Variants in SCEL observed in about 807,000 individuals in gnomAD.
SCEL encodes the protein sciellin.
Under a neutral mutation model 117.6 loss-of-function variants are expected in SCEL, and 113 were observed. That is an observed-to-expected ratio of 0.96 (90% confidence interval 0.83 to 1.12). The LOEUF (loss-of-function observed/expected upper bound fraction) is 1.12. SCEL is among the 50% of genes most tolerant of loss of function. The pLI, the probability that SCEL is intolerant of heterozygous loss-of-function variation, is 0.00. For synonymous variants in SCEL, 270 were observed against 256.2 expected (o/e 1.05, Z -0.51); for missense variants, 785 against 810.8 (o/e 0.97, Z 0.39).
chr13:77,579,517 G>T (rs904435837), intron 9 of SCEL, among the ~76,000 whole-genome samples: 4 of 152,114 alleles, frequency 2.6e-5, no homozygotes, highest in African/African-American at 9.7e-5. Context: ...CCCTGTCTCT[G>T]TCTCTTTCTT....
chr13:77,627,192 G>A (rs1217350026), intron 27 of SCEL, among the ~76,000 whole-genome samples: 2 of 152,088 alleles, frequency 1.3e-5, no homozygotes, highest in Non-Finnish European at 2.9e-5. Context: ...GATTTCAGGT[G>A]GGCAGATGGC....
chr13:77,589,200 C>G lies in SCEL; in HGVS notation c.602C>G (p.Pro201Arg), dbSNP rs1277735730. ...PPKPSSPVSS[P>R]NQLRQDNRQI... ...AAGCCCAGTTCTCCTGTTTCTTCTC[C>G]TAACCAGCTGAGACAGGATAATAGG... Residue 201 changes from proline to arginine, a missense_variant, in exon 10 of 33, where the codon CCT (proline) becomes CGT (arginine). Coordinates refer to ENST00000349847, the MANE Select transcript of SCEL (RefSeq NM_144777.3). 6.2e-7 allele frequency: 1 copy of G among 1,612,578 alleles called. No homozygotes were observed. Among genetic ancestry groups the G allele is most frequent in the African/African-American group, 1.3e-5 (1 of 74,976 alleles).
chr13:77,642,726 T>C lies in SCEL; in HGVS notation c.1968T>C (p.Pro656=). The change falls in exon 32 of 33, where the codon CCT becomes CCC. Residue 656 remains proline (P), a synonymous_variant. Transcript: ENST00000349847. ...TTTAGTGTGAAATATGCAAGCAGCCTTTGGAAAATCTACAAGCGGGTGATA... is the reference window on the plus strand; with the variant it reads ...TTTAGTGTGAAATATGCAAGCAGCCCTTGGAAAATCTACAAGCGGGTGATA... ...TCFKCEICKQ[P]LENLQAGDSI... The C allele has an allele frequency of 6.3e-7, 1 of 1,598,002 alleles. No individual in the cohort carries two copies. Among genetic ancestry groups the C allele is most frequent in the Admixed American group, 1.7e-5 (1 of 57,222 alleles).
Position 77,612,859 on chromosome 13 carries a change from G to A in SCEL, c.1338-32G>A, listed in dbSNP as rs576496967. 26 of 1,277,322 alleles carry A rather than the reference G, an allele frequency of 2.0e-5. No individual in the cohort carries two copies. The South Asian group carries it at 2.2e-4, about 11-fold the overall frequency. The allele number at this position is 1,277,322 out of a possible 1,614,324, so 79.1% of individuals were successfully genotyped here. Reference sequence around the variant, plus strand: ...ATATACAAATTATTGGATTTTAGTTGACTTAGCTATTGAAACTTAACATTT... The same window carrying A: ...ATATACAAATTATTGGATTTTAGTTAACTTAGCTATTGAAACTTAACATTT... On this transcript the variant is annotated intron_variant, in intron 22 of 32. Transcript: ENST00000349847.
rs954704105 is a variant in SCEL at position 77,551,458 on chromosome 13, C to T, written c.-19-4399C>T. ...GGCTGTTATAACAAAATACCACAGA[C>T]GGGTGACTTAAATAACAGAAAATCA... On this transcript the variant is annotated intron_variant, in intron 1 of 32. Coordinates refer to ENST00000349847, the MANE Select transcript of SCEL (RefSeq NM_144777.3). Among the ~76,000 whole-genome samples the T allele has an allele frequency of 2.2e-4, 33 of 152,250 alleles. No individual in the cohort carries two copies. In the East Asian group the frequency reaches 3.7e-3, roughly 17 times the overall value.
chr13:77,619,199 G>T (rs1408305921), intron 27 of SCEL, among the ~76,000 whole-genome samples: 1 of 152,086 alleles, frequency 6.6e-6, no homozygotes, highest in Non-Finnish European at 1.5e-5. Flanking sequence ...TCCATGATTG[G>T]CCTAACTCTT....
rs997924892 is a variant in SCEL at position 77,604,870 on chromosome 13, C to T, written c.1157+455C>T. Among the ~76,000 whole-genome samples, 17 of 151,754 alleles carry T rather than the reference C, an allele frequency of 1.1e-4. No individual in the cohort carries two copies. The East Asian group carries it at 1.2e-3, about 10-fold the overall frequency. Reference sequence around the variant, plus strand: ...ATTTAAGTGCATGTGTGTATAAATGCGTGTGTGTATAAGTGTGTGTGCGTA... The same window carrying T: ...ATTTAAGTGCATGTGTGTATAAATGTGTGTGTGTATAAGTGTGTGTGCGTA... On this transcript the variant is annotated intron_variant, in intron 19 of 32. Transcript: ENST00000349847.
At chr13:77,619,571 GTATT>G (rs2089295495) in intron 27 of SCEL, among the ~76,000 whole-genome samples, 1 of 152,128 alleles carries the variant, frequency 6.6e-6, no homozygotes, top group African/African-American at 2.4e-5. Context: ...ATGATCAGAT[GTATT>G]TATTCTGGAG....
intron 9 of SCEL, among the ~76,000 whole-genome samples, chr13:77,581,565 A>G (rs2086266051): frequency 6.6e-6 from 1 of 152,178 alleles, no homozygotes; most frequent in Admixed American, 6.5e-5. Context: ...TCCTGGAAAT[A>G]TGAGGAAGCA....
Position 77,638,675 on chromosome 13 carries a change from C to G in SCEL, c.1838+1481C>G, listed in dbSNP as rs2154407094. Among the ~76,000 whole-genome samples, 3 of 152,246 alleles carry G rather than the reference C, an allele frequency of 2.0e-5. 1 individual carries two copies. In the South Asian group the frequency reaches 6.2e-4, roughly 32 times the overall value. On this transcript the variant is annotated intron_variant, in intron 30 of 32. Transcript: ENST00000349847. ...TGAAATTGGCGATGTTCTTACAGTTCTTATTTAAGCACGTCAATCCTGTTT... is the reference window on the plus strand; with the variant it reads ...TGAAATTGGCGATGTTCTTACAGTTGTTATTTAAGCACGTCAATCCTGTTT...
At chr13:77,604,892 C>T (rs993257616) in intron 19 of SCEL, among the ~76,000 whole-genome samples, 2 of 151,444 alleles carry the variant, frequency 1.3e-5, no homozygotes, top group East Asian at 1.9e-4. Context: ...AGTGTGTGTG[C>T]GTATGTATAA....
At chr13:77,643,128 G>A (rs1306221221) in intron 32 of SCEL, among the ~76,000 whole-genome samples, 1 of 151,966 alleles carries the variant, frequency 6.6e-6, no homozygotes, top group African/African-American at 2.4e-5. Flanking sequence ...GTCCATATTC[G>A]TAAATGACAT....
chr13:77,593,690 T>C (rs1417264168), intron 12 of SCEL, 117 bp downstream of exon 12: 3 of 642,012 alleles, frequency 4.7e-6, no homozygotes, highest in Non-Finnish European at 8.0e-6. Context: ...ATATCGTATA[T>C]AATTTAAAAT....
At chr13:77,618,132 C>CCCTG in intron 27 of SCEL, 72 bp downstream of exon 27, 1 of 1,116,312 alleles carries the variant, frequency 9.0e-7, no homozygotes. Flanking sequence ...CTCCTTGCCT[C>CCCTG]CCTGCCTCCC....
chr13:77,599,259 C>A, intron 13 of SCEL, 70 bp from the exon 14 acceptor site: 2 of 1,098,036 alleles, frequency 1.8e-6, no homozygotes, highest in South Asian at 1.4e-5. Flanking sequence ...GTAAACTGGT[C>A]TATGTTCTTA....
At chr13:77,561,712 ATAG>A (rs1201609759) in intron 4 of SCEL, among the ~76,000 whole-genome samples, 1 of 152,216 alleles carries the variant, frequency 6.6e-6, no homozygotes, top group Admixed American at 6.5e-5. Flanking sequence ...GGAAAGTGCT[ATAG>A]TAGAGGTGTG....
intron 9 of SCEL, among the ~76,000 whole-genome samples, chr13:77,572,670 T>G (rs2085708545): frequency 6.6e-6 from 1 of 152,228 alleles, no homozygotes; most frequent in Non-Finnish European, 1.5e-5. Flanking sequence ...TGCCTTCATC[T>G]TCACATGATC....
chr13:77,577,062 T>C (rs1239897983), intron 9 of SCEL, among the ~76,000 whole-genome samples: 1 of 152,142 alleles, frequency 6.6e-6, no homozygotes, highest in African/African-American at 2.4e-5. Context: ...TTTCTAGATA[T>C]AGGATCATGT....
At chr13:77,643,601 T>C (rs2090662588) in intron 32 of SCEL, among the ~76,000 whole-genome samples, 1 of 152,038 alleles carries the variant, frequency 6.6e-6, no homozygotes, top group Non-Finnish European at 1.5e-5. Context: ...GTTGGTATAA[T>C]GAATGAAAGA....
Sources: allele counts gnomAD v4.1 joint callset (sites outside exome capture counted in the v4.1 genomes callset), GRCh38; gene constraint gnomAD v4.1.1; transcripts MANE v1.5; gene names NCBI Gene and HGNC (gene_info 2026-07-23, HGNC 2026-07-21).